The following NECTIN1 variants were observed in gnomAD, a reference collection of about 807,000 sequenced individuals.
NECTIN1 encodes nectin cell adhesion molecule 1.
Under a neutral mutation model 48.0 loss-of-function variants are expected in NECTIN1, and 23 were observed. The observed-to-expected ratio is 0.48, with a 90% confidence interval of 0.34 to 0.68. The LOEUF (loss-of-function observed/expected upper bound fraction) is 0.68, where lower values mean the gene tolerates loss of function less well. Among genes scored for constraint, NECTIN1 ranks in the 30% least tolerant of loss-of-function variants. NECTIN1 has a pLI of 0.01. For missense variants in NECTIN1, 591 were observed against 709.9 expected (o/e 0.83, Z 1.90); for synonymous variants, 270 against 288.9 (o/e 0.93, Z 0.66).
chr11:119,713,271 G>C (rs1865686514), intron 1 of NECTIN1, among the ~76,000 whole-genome samples: 1 of 152,172 alleles, frequency 6.6e-6, no homozygotes, highest in East Asian at 1.9e-4. Flanking sequence ...ATCTTGCCTG[G>C]GAGGTGACAG....
chr11:119,655,885 G>A (rs1697394382), intron 5 of NECTIN1, among the ~76,000 whole-genome samples: 1 of 152,092 alleles, frequency 6.6e-6, no homozygotes, highest in South Asian at 2.1e-4. Flanking sequence ...CCACCTGAAA[G>A]GTCTCTTTTA....
chr11:119,666,167 C>T (rs1306962958), intron 5 of NECTIN1, among the ~76,000 whole-genome samples: 1 of 152,154 alleles, frequency 6.6e-6, no homozygotes, highest in African/African-American at 2.4e-5. Context: ...TGTGTGCGTG[C>T]GTGGCAATGT....
chr11:119,642,890 C>T (rs1344363908), intron 5 of NECTIN1: 1 of 153,672 alleles, frequency 6.5e-6, no homozygotes, highest in Non-Finnish European at 1.5e-5. Flanking sequence ...GCTGACACTA[C>T]TCTCCATTTT....
intron 1 of NECTIN1, among the ~76,000 whole-genome samples, chr11:119,691,985 G>A (rs1028189152): frequency 7.2e-5 from 11 of 152,178 alleles, no homozygotes; most frequent in Non-Finnish European, 1.3e-4. Flanking sequence ...AGGGGCATGT[G>A]GGGTGAGGGG....
Position 119,664,971 on chromosome 11 carries a change from C to A in NECTIN1, c.1330G>T (p.Glu444Ter). 1 of 1,604,650 alleles carries A rather than the reference C, an allele frequency of 6.2e-7. No individual in the cohort carries two copies. Among genetic ancestry groups the A allele is most frequent in the South Asian group, 1.1e-5 (1 of 90,934 alleles). Residue 444 changes from glutamate to a stop codon, truncating the protein, a stop_gained, in exon 6 of 6, where the codon GAG becomes TAG. Coordinates refer to ENST00000264025, the MANE Select transcript of NECTIN1 (RefSeq NM_002855.5). LOFTEE classifies it high-confidence loss of function. ...TTGCGCTCGCCCCCTCCACCGCCCT[C>A]CTCCTCCTCCTCCTCCTCCTCATAG... ...SSYEEEEEEE[E>*]GGGGGERKVG...
chr11:119,677,918 C>A lies in NECTIN1; in HGVS notation c.431-61G>T, dbSNP rs147708605. On this transcript the variant is annotated intron_variant, in intron 2 of 5. Transcript: ENST00000264025. The surrounding 1 kb of genome is among the most constrained non-coding windows in gnomAD (Gnocchi z 5.4). ...TGTTGACTTGTCCAAGATGCACCGG[C>A]CAAAAGGGCGTGGCATCCGTCAGGC... The A allele has an allele frequency of 1.9e-6, 3 of 1,553,526 alleles. No homozygotes were observed. Among genetic ancestry groups the A allele is most frequent in the Non-Finnish European group, 2.7e-6 (3 of 1,131,110 alleles).
chr11:119,697,123 G>A (rs1387975678), intron 1 of NECTIN1, among the ~76,000 whole-genome samples: 2 of 152,130 alleles, frequency 1.3e-5, no homozygotes, highest in East Asian at 3.9e-4. Context: ...TGGGGGGCGG[G>A]GAGGTCGAGG....
chr11:119,720,216 C>T (rs1865804674), intron 1 of NECTIN1, among the ~76,000 whole-genome samples: 1 of 152,276 alleles, frequency 6.6e-6, no homozygotes, highest in Admixed American at 6.5e-5. Flanking sequence ...GCACCTCCTC[C>T]ACTGCCCTTG....
rs12226019 is a variant in NECTIN1 at position 119,644,595 on chromosome 11, A to C, written c.1004-4583T>G. On this transcript the variant is annotated intron_variant, in intron 5 of 7. Coordinates refer to the NECTIN1 transcript ENST00000341398. ...GTGTGAGGGGCTTGCCCCCTGGCTAATGGAGGAGTCATACACGTATGCAAA... is the reference window on the plus strand; with the variant it reads ...GTGTGAGGGGCTTGCCCCCTGGCTACTGGAGGAGTCATACACGTATGCAAA... 9.6e-3 allele frequency among the ~76,000 whole-genome samples: 1,464 copies of C among 152,326 alleles called. 20 individuals carry two copies. Among genetic ancestry groups the C allele is most frequent in the East Asian group, 0.033 (171 of 5,180 alleles).
Position 119,709,069 on chromosome 11 carries a change from T to C in NECTIN1, c.79+19406A>G, listed in dbSNP as rs1408846789. Among the ~76,000 whole-genome samples the C allele has an allele frequency of 1.3e-5, 2 of 151,576 alleles. No homozygotes were observed. Among genetic ancestry groups the C allele is most frequent in the South Asian group, 2.1e-4 (1 of 4,788 alleles). ...ACTCTACCCCCCACGCCCGCCCACA[T>C]AGCCAACATATCGCACATATCCTGC... On this transcript the variant is annotated intron_variant, in intron 1 of 5. Coordinates refer to ENST00000264025, the MANE Select transcript of NECTIN1 (RefSeq NM_002855.5). The surrounding 1 kb of genome is among the most constrained non-coding windows in gnomAD (Gnocchi z 4.1).
At chr11:119,691,981 A>G (rs1865262086) in intron 1 of NECTIN1, among the ~76,000 whole-genome samples, 1 of 152,134 alleles carries the variant, frequency 6.6e-6, no homozygotes, top group Non-Finnish European at 1.5e-5. Flanking sequence ...GGGCAGGGGC[A>G]TGTGGGGTGA....
At chr11:119,713,745 C>T (rs1304423199) in intron 1 of NECTIN1, 1 of 433,488 alleles carries the variant, frequency 2.3e-6, no homozygotes, top group Non-Finnish European at 4.6e-6. Context: ...TCTGGCCCAC[C>T]CAGTCTTCAC....
intron 5 of NECTIN1, among the ~76,000 whole-genome samples, chr11:119,666,557 C>T (rs1482814556): frequency 2.0e-5 from 3 of 152,226 alleles, no homozygotes; most frequent in Admixed American, 1.3e-4. Flanking sequence ...GTTCCTGGCA[C>T]CACCACAGGG....
chr11:119,708,902 G>A (rs1397611946), intron 1 of NECTIN1, among the ~76,000 whole-genome samples: 1 of 152,010 alleles, frequency 6.6e-6, no homozygotes. Flanking sequence ...GGGGGCCCTG[G>A]GGTCCCACGG....
chr11:119,698,387 T>C (rs1193954911), intron 1 of NECTIN1, among the ~76,000 whole-genome samples: 2 of 152,282 alleles, frequency 1.3e-5, no homozygotes, highest in African/African-American at 2.4e-5. Context: ...TATGAGATTC[T>C]ACCATTTCCC....
At chr11:119,640,204 T>C (rs1314429671) in intron 5 of NECTIN1, 4 of 639,110 alleles carry the variant, frequency 6.3e-6, no homozygotes, top group African/African-American at 5.5e-5. Flanking sequence ...CCTCCTCTAG[T>C]TCCCTATGAC....
At position 119,675,649 on chromosome 11, in the gene NECTIN1, C is replaced by T. The variant is rs940949980; in HGVS notation, c.852-339G>A. On this transcript the variant is annotated intron_variant, in intron 4 of 5. Coordinates refer to ENST00000264025, the MANE Select transcript of NECTIN1 (RefSeq NM_002855.5). ...AATTCTCGGGACTCCTGGTAAAGTGCTCTTTCTACTTTCCATTCACGTCTC... is the reference window on the plus strand; with the variant it reads ...AATTCTCGGGACTCCTGGTAAAGTGTTCTTTCTACTTTCCATTCACGTCTC... The T allele has an allele frequency of 2.4e-5, 7 of 294,190 alleles. No individual in the cohort carries two copies. The Admixed American group carries it at 2.8e-4, about 12-fold the overall frequency. 18.2% of individuals were successfully genotyped at this position (294,190 alleles called of 1,614,324 possible).
rs541704087 is a variant in NECTIN1 at position 119,663,454 on chromosome 11, G to A, written c.*1293C>T. ...CCCCTCATCCCAGAATGAGGACCAGGGGTGGCTGAGCAGGAGGTGGCCTAG... is the reference window on the plus strand; with the variant it reads ...CCCCTCATCCCAGAATGAGGACCAGAGGTGGCTGAGCAGGAGGTGGCCTAG... On this transcript the variant is annotated 3_prime_UTR_variant, in exon 6 of 6. Coordinates refer to ENST00000264025, the MANE Select transcript of NECTIN1 (RefSeq NM_002855.5). 1 of 985,520 alleles carries A rather than the reference G, an allele frequency of 1.0e-6. No homozygotes were observed. The highest frequency in any genetic ancestry group is 1.2e-6 in the Non-Finnish European group (1 of 829,984). 61.0% of individuals were successfully genotyped at this position (985,520 alleles called of 1,614,324 possible).
At chr11:119,645,129 A>G (rs1864379367) in intron 5 of NECTIN1, among the ~76,000 whole-genome samples, 1 of 152,038 alleles carries the variant, frequency 6.6e-6, no homozygotes, top group Non-Finnish European at 1.5e-5. Context: ...GGGAGCCAGG[A>G]GCTCAGAGCA....
Sources: gnomAD v4.1 joint callset for allele counts (sites outside exome capture counted in the v4.1 genomes callset) on GRCh38, gnomAD v4.1.1 for gene constraint, Gnocchi (gnomAD v3.1) non-coding constraint, MANE v1.5 for transcripts, NCBI Gene and HGNC (gene_info 2026-07-23, HGNC 2026-07-21) for gene names.